Variants in INTS7 observed in about 807,000 individuals in gnomAD.
INTS7 encodes the protein integrator complex subunit 7.
In INTS7, 46 loss-of-function variants were observed where a neutral mutation model predicts 109.2. That is an observed-to-expected ratio of 0.42 (90% CI 0.33 to 0.54). The LOEUF (loss-of-function observed/expected upper bound fraction) is 0.54, where lower values mean the gene tolerates loss of function less well. Ranked by LOEUF, INTS7 falls within the 20% of genes least tolerant of loss-of-function variation. The probability of loss-of-function intolerance (pLI) is 0.07; values close to 1 mark genes in which losing one functional copy is unlikely to be tolerated. For synonymous variants in INTS7, 412 were observed against 402.9 expected (o/e 1.02, Z -0.27); for missense variants, 929 against 1,132.4 (o/e 0.82, Z 2.58).
At position 211,978,476 on chromosome 1, in the gene INTS7, G is replaced by T. The variant is rs557095776; in HGVS notation, c.1266C>A (p.Gly422=). 6.2e-7 allele frequency: 1 copy of T among 1,614,186 alleles called. No homozygotes were observed. Among genetic ancestry groups the T allele is most frequent in the South Asian group, 1.1e-5 (1 of 91,078 alleles). The part of the protein sequence containing the change: ...ALNCMVKLAK[G]RPHLSQSVVE... The stretch of plus-strand genomic sequence containing the variant: ...CTACTGACTGGCTAAGATGGGGCCT[G>T]CCCTTGGCCAACTTCACCATACAGT... The change falls in exon 11 of 20, where the codon GGC becomes GGA. Residue 422 remains glycine, a synonymous_variant. Coordinates refer to ENST00000366994, the MANE Select transcript of INTS7 (RefSeq NM_015434.4).
At chr1:211,948,878 T>C (rs1662959722) in intron 17 of INTS7, among the ~76,000 whole-genome samples, 1 of 152,208 alleles carries the variant, frequency 6.6e-6, no homozygotes. Context: ...TGGCTAACTT[T>C]GTATTTTTAG....
intron 1 of INTS7, chr1:212,030,697 C>T (rs1163881558): frequency 2.6e-5 from 4 of 152,268 alleles, no homozygotes; most frequent in South Asian, 2.1e-4. Flanking sequence ...GGTCACATGC[C>T]TACTTCTGAA....
chr1:211,972,628 T>C (rs963377967), intron 13 of INTS7, among the ~76,000 whole-genome samples: 10 of 152,322 alleles, frequency 6.6e-5, no homozygotes, highest in Non-Finnish European at 1.3e-4. Flanking sequence ...TAATGGAATA[T>C]GGCAAAAGTG....
chr1:211,998,711 C>T (rs1665524138), intron 7 of INTS7, among the ~76,000 whole-genome samples: 1 of 150,626 alleles, frequency 6.6e-6, no homozygotes, highest in South Asian at 2.1e-4. Flanking sequence ...CTTAAAACTT[C>T]TTTTTAAAAG....
At chr1:212,015,392 A>C (rs1437253521) in intron 4 of INTS7, among the ~76,000 whole-genome samples, 1 of 152,126 alleles carries the variant, frequency 6.6e-6, no homozygotes, top group Non-Finnish European at 1.5e-5. Flanking sequence ...GGATGCTGTT[A>C]ATCTATAACC....
rs757294508 is a variant in INTS7, at chr1:211,941,848, T to TTGC, written c.2862_2864dup (p.Gln955dup). The TTGC allele has an allele frequency of 3.1e-6, 5 of 1,614,032 alleles. No homozygotes were observed. Among genetic ancestry groups the TTGC allele is most frequent in the African/African-American group, 1.3e-5 (1 of 74,932 alleles). ...GTTAAAACCGTGTGTAGGCATTGCG[T>TTGC]TGCTGCTGCTGCTGTAATGGCTGCT... On this transcript the variant is annotated inframe_insertion, in exon 20 of 20. Coordinates refer to ENST00000366994, the MANE Select transcript of INTS7 (RefSeq NM_015434.4).
chr1:212,028,686 T>G (rs1217035339), intron 1 of INTS7, among the ~76,000 whole-genome samples: 1 of 152,096 alleles, frequency 6.6e-6, no homozygotes, highest in Non-Finnish European at 1.5e-5. Flanking sequence ...TGAATGAAAA[T>G]AAAGACTAGC....
At chr1:211,978,184 T>A in intron 11 of INTS7, 88 bp downstream of exon 11, 1 of 1,464,808 alleles carries the variant, frequency 6.8e-7, no homozygotes, top group Admixed American at 1.8e-5. Flanking sequence ...GTTTTTTAAG[T>A]AAAGTCAAAT....
rs1412948029 is a variant in INTS7 at position 212,028,578 on chromosome 1, A to G, written c.94+6766T>C. On this transcript the variant is annotated intron_variant, in intron 1 of 19. Transcript: ENST00000366994. The stretch of plus-strand genomic sequence containing the variant: ...GATGTGAATTTAAAGTACTGGTAAG[A>G]AAGTAAATGCAGTTAATAAAATGAA... Among the ~76,000 whole-genome samples, 18 of 152,348 alleles carry G rather than the reference A, an allele frequency of 1.2e-4. No homozygotes were observed. The East Asian group carries it at 2.7e-3, about 23-fold the overall frequency.
chr1:211,982,812 T>C lies in INTS7; in HGVS notation c.998-2A>G. ...ATCTGGGAGAAGAACTCACATTTCC[T>C]AAAAAAGCAGAGAAAAGTAGTAGAA... On this transcript the variant is annotated splice_acceptor_variant, in intron 8 of 19. Coordinates refer to ENST00000366994, the MANE Select transcript of INTS7 (RefSeq NM_015434.4). LOFTEE classifies it high-confidence loss of function. 6.3e-7 allele frequency: 1 copy of C among 1,599,662 alleles called. No individual in the cohort carries two copies.
At position 211,982,770 on chromosome 1, in the gene INTS7, T is replaced by C. The variant is rs1664718946; in HGVS notation, c.1038A>G (p.Lys346=). 1.2e-6 allele frequency: 2 copies of C among 1,611,304 alleles called. No individual in the cohort carries two copies. The highest frequency in any genetic ancestry group is 4.5e-5 in the East Asian group (2 of 44,768). ...SSSPRSSDLV[K]LAQECCYHNN... ...TATGGTAACAGCACTCTTGGGCTAA[T>C]TTGACTAAATCAGAAGATCTGGGAG... Residue 346 remains lysine, a synonymous_variant, in exon 9 of 20, where the codon AAA becomes AAG. Coordinates refer to ENST00000366994, the MANE Select transcript of INTS7 (RefSeq NM_015434.4).
intron 4 of INTS7, 34 bp downstream of exon 4, chr1:212,016,852 A>T (rs1433162549): frequency 1.3e-6 from 2 of 1,560,506 alleles, no homozygotes; most frequent in East Asian, 2.4e-5. Context: ...TGGGAAGCCA[A>T]ATTACTAAAA....
At chr1:211,961,522 C>CG (rs758623536) in intron 16 of INTS7, among the ~76,000 whole-genome samples, 8 of 151,794 alleles carry the variant, frequency 5.3e-5, no homozygotes, top group Non-Finnish European at 1.2e-4. Flanking sequence ...CTCTGCCTCC[C>CG]GGGTTCAAGA....
chr1:211,961,902 A>G (rs534954696), intron 16 of INTS7, among the ~76,000 whole-genome samples: 1 of 152,310 alleles, frequency 6.6e-6, no homozygotes, highest in East Asian at 1.9e-4. Context: ...TATAGAAAGG[A>G]AAGACCAGTC....
chr1:211,967,930 G>C lies in INTS7; in HGVS notation c.2062C>G (p.Leu688Val), dbSNP rs768695497. ...FRSLASRYGD[L>V]YQASFDADSA... is the part of the protein sequence containing the mutation. ...TCAGCATCAAAAGATGCCTGGTAAA[G>C]ATCTCCATATCGAGAAGCAAGGCTT... Residue 688 changes from leucine (L) to valine (V), a missense_variant, in exon 15 of 20, where the codon CTT becomes GTT. Physicochemically the swap from Leu to Val is conservative, Grantham distance 32. Around this residue, in one of 2 missense-constraint regions of INTS7, gnomAD observed 787 missense variants for 901.1 expected, o/e 0.87. Transcript: ENST00000366994. 6.2e-6 allele frequency: 10 copies of C among 1,609,732 alleles called. No homozygotes were observed. The highest frequency in any genetic ancestry group is 7.6e-6 in the Non-Finnish European group (9 of 1,178,042).
intron 7 of INTS7, among the ~76,000 whole-genome samples, chr1:211,992,060 G>T (rs1263336147): frequency 1.3e-5 from 2 of 152,116 alleles, no homozygotes; most frequent in Admixed American, 6.6e-5. Context: ...TTAAAAAAGT[G>T]ATTATTATTT....
At chr1:211,952,459 G>T in intron 17 of INTS7, 110 bp downstream of exon 17, 4 of 1,095,708 alleles carry the variant, frequency 3.7e-6, no homozygotes, top group Non-Finnish European at 4.0e-6. Context: ...TTATGGATAA[G>T]GAAACAGGCA....
At chr1:211,997,431 G>T (rs1167788049) in intron 7 of INTS7, among the ~76,000 whole-genome samples, 1 of 150,008 alleles carries the variant, frequency 6.7e-6, no homozygotes, top group Non-Finnish European at 1.5e-5. Context: ...ATCTACTCAG[G>T]AGGCTGAGGT....
chr1:211,987,404 T>G (rs1664940030), intron 8 of INTS7, among the ~76,000 whole-genome samples: 1 of 152,188 alleles, frequency 6.6e-6, no homozygotes, highest in African/African-American at 2.4e-5. Context: ...GAAAGCATTT[T>G]AGAGTTAATC....
Sources: gnomAD v4.1 joint callset for allele counts (sites outside exome capture counted in the v4.1 genomes callset) on GRCh38, gnomAD v4.1.1 for gene constraint, gnomAD v4.1.1 regional missense constraint, MANE v1.5 for transcripts, NCBI Gene and HGNC (gene_info 2026-07-23, HGNC 2026-07-21) for gene names.